Variants in AGAP1 observed in about 807,000 individuals in gnomAD.
AGAP1 encodes arf-GAP with GTPase, ANK repeat and PH domain-containing protein 1.
A neutral mutation model predicts 105.3 loss-of-function variants in AGAP1; 29 were observed. The observed-to-expected ratio is 0.28, with a 90% CI of 0.21 to 0.38. The LOEUF (loss-of-function observed/expected upper bound fraction) is 0.38. Ranked by LOEUF, AGAP1 falls within the 10% of genes least tolerant of loss-of-function variation. The pLI, the probability that AGAP1 is intolerant of heterozygous loss-of-function variation, is 1.00. For missense variants in AGAP1, 998 were observed against 1,165.1 expected (o/e 0.86, Z 2.09); for synonymous variants, 509 against 485.9 (o/e 1.05, Z -0.63).
chr2:235,531,856 T>C (rs1010644560), intron 1 of AGAP1, among the ~76,000 whole-genome samples: 2 of 152,030 alleles, frequency 1.3e-5, no homozygotes, highest in African/African-American at 4.8e-5. Flanking sequence ...CGTTGATCCA[T>C]GTGCCTTGGC....
chr2:235,809,677 G>C (rs141291267), intron 9 of AGAP1, among the ~76,000 whole-genome samples: 1 of 152,118 alleles, frequency 6.6e-6, no homozygotes, highest in Non-Finnish European at 1.5e-5. Flanking sequence ...CGGTTGTATC[G>C]ATCTATCTCA....
intron 11 of AGAP1, among the ~76,000 whole-genome samples, chr2:235,926,626 A>G (rs2052459996): frequency 6.6e-6 from 1 of 152,212 alleles, no homozygotes; most frequent in African/African-American, 2.4e-5. Context: ...CTGAAAGAAA[A>G]TTTAAGTGAT....
rs2125661548 is a variant in AGAP1, at chr2:236,036,441, T to C, written c.1646-120T>C. The C allele has an allele frequency of 2.3e-6, 3 of 1,331,996 alleles. No individual in the cohort carries two copies. The highest frequency in any genetic ancestry group is 3.1e-6 in the Non-Finnish European group (3 of 968,692). 82.5% of individuals were successfully genotyped at this position (1,331,996 alleles called of 1,614,324 possible). A position where few individuals can be genotyped will look rare whatever the true frequency, so the allele number is the denominator to read the frequency against. ...CCGCCGCCGTGGTTGTCCAGTGCCGTGCGCCTCACCGGTCCATGCAGGGGC... is the reference window on the plus strand; with the variant it reads ...CCGCCGCCGTGGTTGTCCAGTGCCGCGCGCCTCACCGGTCCATGCAGGGGC... On this transcript the variant is annotated intron_variant, in intron 13 of 17. Transcript: ENST00000304032. This position sits in a 1 kb window ranked among gnomAD's most constrained non-coding sequence, Gnocchi z 5.7.
At position 236,027,814 on chromosome 2, in the gene AGAP1, G is replaced by A. The variant is rs548172457; in HGVS notation, c.1646-8747G>A. 6.2e-4 allele frequency among the ~76,000 whole-genome samples: 95 copies of A among 152,208 alleles called. 1 individual carries two copies. Among genetic ancestry groups the A allele is most frequent in the African/African-American group, 1.7e-3 (72 of 41,530 alleles). ...TGAACTGCTACTCACAGGGAAAAGC[G>A]TGGCGTTTAGACCTGCCCTGTGATC... is the stretch of plus-strand genomic sequence containing the variant. On this transcript the variant is annotated intron_variant, in intron 13 of 17. Transcript: ENST00000304032. The surrounding 1 kb of genome is among the most constrained non-coding windows in gnomAD (Gnocchi z 4.4).
rs534446860 is a variant in AGAP1, at chr2:235,524,570, G to A, written c.163+29721G>A. ...TATAACCCCCACCCCACTACTGCCC[G>A]CCCACCATGCCTTCCCCACATGGAT... On this transcript the variant is annotated intron_variant, in intron 1 of 17. Coordinates refer to ENST00000304032, the MANE Select transcript of AGAP1 (RefSeq NM_001037131.3). 3.5e-4 allele frequency: 66 copies of A among 187,086 alleles called. 1 individual carries two copies. In the East Asian group the frequency reaches 0.01, roughly 29 times the overall value. The allele number at this position is 187,086 out of a possible 1,614,324, so 11.6% of individuals were successfully genotyped here.
At chr2:236,041,907 G>A (rs1303274356) in intron 15 of AGAP1, among the ~76,000 whole-genome samples, 1 of 152,318 alleles carries the variant, frequency 6.6e-6, no homozygotes, top group East Asian at 1.9e-4. Flanking sequence ...GGCAGGGTTT[G>A]TACAGGGAAG....
At chr2:235,838,464 G>T (rs1960427762) in intron 9 of AGAP1, among the ~76,000 whole-genome samples, 1 of 152,134 alleles carries the variant, frequency 6.6e-6, no homozygotes, top group African/African-American at 2.4e-5. Context: ...TTTCCCAGGG[G>T]TAAGTGTTCA....
At chr2:235,850,394 C>T (rs1424241233) in intron 9 of AGAP1, among the ~76,000 whole-genome samples, 1 of 152,218 alleles carries the variant, frequency 6.6e-6, no homozygotes, top group Non-Finnish European at 1.5e-5. Context: ...GAGCCATCTC[C>T]CCTGGGGCAG....
chr2:235,760,640 C>T (rs1034681969), intron 6 of AGAP1, among the ~76,000 whole-genome samples: 2 of 152,176 alleles, frequency 1.3e-5, no homozygotes, highest in Non-Finnish European at 2.9e-5. Flanking sequence ...GGCTGGAGTA[C>T]AGTGATGCCA....
chr2:235,695,278 T>G (rs1211960030), intron 1 of AGAP1, among the ~76,000 whole-genome samples: 1 of 152,210 alleles, frequency 6.6e-6, no homozygotes, highest in Non-Finnish European at 1.5e-5. Context: ...ACTACTTCTT[T>G]CCATGAGTGC....
At chr2:235,661,648 A>C (rs6712672) in intron 1 of AGAP1, among the ~76,000 whole-genome samples, 1 of 152,022 alleles carries the variant, frequency 6.6e-6, no homozygotes, top group East Asian at 1.9e-4. Flanking sequence ...TCCGGGAGAC[A>C]TGGAGCATCT....
At chr2:235,757,999 A>G (rs1012274693) in intron 6 of AGAP1, among the ~76,000 whole-genome samples, 1 of 152,124 alleles carries the variant, frequency 6.6e-6, no homozygotes, top group African/African-American at 2.4e-5. Flanking sequence ...CTGTTAAAGG[A>G]TGTATCAGTT....
In AGAP1 at chr2:235,882,340, G is replaced by A; in HGVS notation, c.1051-1005G>A. The A allele has an allele frequency of 8.8e-7, 1 of 1,135,442 alleles. No individual in the cohort carries two copies. Among genetic ancestry groups the A allele is most frequent in the East Asian group, 2.7e-5 (1 of 36,524 alleles). The allele number at this position is 1,135,442 out of a possible 1,614,324, so 70.3% of individuals were successfully genotyped here. A position where few individuals can be genotyped will look rare whatever the true frequency, so the allele number is the denominator to read the frequency against. On this transcript the variant is annotated intron_variant, in intron 9 of 17. Coordinates refer to ENST00000304032, the MANE Select transcript of AGAP1 (RefSeq NM_001037131.3). This position sits in a 1 kb window ranked among gnomAD's most constrained non-coding sequence, Gnocchi z 4.6. ...ACAACTGGGGTCTTAAGGATGACGA[G>A]GGCAGGAAATCCTCCGGGCTCTTAG...
rs1948017160 is a variant in AGAP1 at position 235,663,159 on chromosome 2, A to G, written c.164-46020A>G. 6.6e-6 allele frequency among the ~76,000 whole-genome samples: 1 copy of G among 152,152 alleles called. No individual in the cohort carries two copies. The highest frequency in any genetic ancestry group is 1.5e-5 in the Non-Finnish European group (1 of 68,036). On this transcript the variant is annotated intron_variant, in intron 1 of 17. Coordinates refer to ENST00000304032, the MANE Select transcript of AGAP1 (RefSeq NM_001037131.3). This position sits in a 1 kb window ranked among gnomAD's most constrained non-coding sequence, Gnocchi z 5.4. Reference sequence around the variant, plus strand: ...AACCCTGTCTCTACTAAAAATAAAAATTAGCTGGGCATGGTGGTGGGCGCC... The same window carrying G: ...AACCCTGTCTCTACTAAAAATAAAAGTTAGCTGGGCATGGTGGTGGGCGCC...
chr2:235,955,519 A>G (rs903984432), intron 12 of AGAP1, among the ~76,000 whole-genome samples: 1 of 152,210 alleles, frequency 6.6e-6, no homozygotes, highest in African/African-American at 2.4e-5. Context: ...AGAAGTACTG[A>G]TTTATGGTCA....
At chr2:235,828,272 C>A (rs184543743) in intron 9 of AGAP1, among the ~76,000 whole-genome samples, 10 of 152,344 alleles carry the variant, frequency 6.6e-5, no homozygotes, top group Admixed American at 6.5e-4. Context: ...GGAACATAAG[C>A]ACCCCATGTT....
At chr2:236,091,226 G>A (rs1251555743) in intron 16 of AGAP1, among the ~76,000 whole-genome samples, 1 of 152,210 alleles carries the variant, frequency 6.6e-6, no homozygotes, top group African/African-American at 2.4e-5. Flanking sequence ...ACTTTGGAGG[G>A]GTGAAGACGG....
At chr2:235,790,170 C>T (rs1042798093) in intron 6 of AGAP1, among the ~76,000 whole-genome samples, 2 of 151,954 alleles carry the variant, frequency 1.3e-5, no homozygotes, top group African/African-American at 4.8e-5. Flanking sequence ...GTGGGGTCGC[C>T]GTGCTTATGG....
In AGAP1 at chr2:235,959,276, TAC is replaced by T. The variant is rs2054080106; in HGVS notation, c.1484-9184_1484-9183del. Among the ~76,000 whole-genome samples the T allele has an allele frequency of 6.6e-6, 1 of 152,198 alleles. No individual in the cohort carries two copies. The highest frequency in any genetic ancestry group is 1.5e-5 in the Non-Finnish European group (1 of 68,036). Reference sequence around the variant, plus strand: ...CTCCGTGGGCCGGCTGGAGCTCATTTACAGTGTCTCAGGCGGGGCTTTCGGGG... The same window carrying T: ...CTCCGTGGGCCGGCTGGAGCTCATTTAGTGTCTCAGGCGGGGCTTTCGGGG... On this transcript the variant is annotated intron_variant, in intron 12 of 17. Transcript: ENST00000304032. This position sits in a 1 kb window ranked among gnomAD's most constrained non-coding sequence, Gnocchi z 7.3.
Sources: allele counts gnomAD v4.1 joint callset (sites outside exome capture counted in the v4.1 genomes callset), GRCh38; gene constraint gnomAD v4.1.1; non-coding constraint Gnocchi (gnomAD v3.1); transcripts MANE v1.5; gene names NCBI Gene and HGNC (gene_info 2026-07-23, HGNC 2026-07-21).